The following MROH9 variants were observed in gnomAD, a reference collection of about 807,000 sequenced individuals.
The protein encoded by MROH9 is maestro heat-like repeat-containing protein family member 9.
In MROH9, 92 loss-of-function variants were observed where a neutral mutation model predicts 98.2. That is an observed-to-expected ratio of 0.94 (90% CI 0.79 to 1.11). The LOEUF is 1.11. Among genes scored for constraint, MROH9 ranks in the 50% most tolerant of loss-of-function variants. The probability of loss-of-function intolerance (pLI) is 0.00; values close to 1 mark genes in which losing one functional copy is unlikely to be tolerated. For synonymous variants in MROH9, 397 were observed against 368.9 expected, an observed-to-expected ratio of 1.08 and a Z score of -0.87; for missense variants, 1,057 against 1,014.8, an observed-to-expected ratio of 1.04 and a Z score of -0.57.
intron 20 of MROH9, among the ~76,000 whole-genome samples, chr1:171,056,326 G>A (rs78486409): frequency 1.3e-5 from 2 of 152,162 alleles, no homozygotes; most frequent in Non-Finnish European, 2.9e-5. Flanking sequence ...TGGACACCTT[G>A]GTCCCAAAAG....
chr1:170,983,680 CATTT>C, intron 9 of MROH9, 146 bp downstream of exon 9: 1 of 579,404 alleles, frequency 1.7e-6, no homozygotes, highest in Non-Finnish European at 3.1e-6. Context: ...GATTATAGAC[CATTT>C]AGTTTTCTGA....
rs768045523 is a variant in MROH9, at chr1:170,947,587, T to C, written c.72+14T>C. ...TGGCACCACATGGTAAGTGATATTC[T>C]ATAAGGATATCAACGTAACTGAATT... On this transcript the variant is annotated intron_variant, in intron 3 of 21. Transcript: ENST00000367759. 2 of 1,599,812 alleles carry C rather than the reference T, an allele frequency of 1.3e-6. No homozygotes were observed. The highest frequency in any genetic ancestry group is 1.7e-6 in the Non-Finnish European group (2 of 1,169,156).
In MROH9 at chr1:170,989,966, A is replaced by G; in HGVS notation, c.991A>G (p.Ile331Val). 2 of 1,613,084 alleles carry G rather than the reference A, an allele frequency of 1.2e-6. No homozygotes were observed. Among genetic ancestry groups the G allele is most frequent in the Non-Finnish European group, 1.7e-6 (2 of 1,179,314 alleles). The change falls in exon 11 of 22, where the codon ATC (isoleucine) becomes GTC (valine). Residue 331 changes from isoleucine to valine, a missense_variant. Transcript: ENST00000367759. Reference protein sequence around the residue: ...LLTCTSPKKVIFQLMDYPVPA... With the variant: ...LLTCTSPKKVVFQLMDYPVPA... ...GACATGCACTTCACCCAAGAAGGTC[A>G]TCTTTCAACTTATGGACTACCCAGT...
At chr1:171,025,271 C>G (rs1243793872) in intron 19 of MROH9, 47 bp from the exon 20 acceptor site, 2 of 1,201,818 alleles carry the variant, frequency 1.7e-6, no homozygotes, top group Admixed American at 4.0e-5. Flanking sequence ...AGCAAATGTT[C>G]TATTTCAGCA....
chr1:171,029,660 G>A (rs779910854), intron 20 of MROH9, among the ~76,000 whole-genome samples: 4 of 152,014 alleles, frequency 2.6e-5, no homozygotes, highest in Non-Finnish European at 4.4e-5. Flanking sequence ...GATCGTGGTG[G>A]GTAAGTTTTT....
rs568236981 is a variant in MROH9, at chr1:171,028,568, T to C, written c.2281+3148T>C. ...GTTTTTCCTAATTCTGTGAAGAATG[T>C]CAATGGTAGTTTGATGGGAATAGTA... On this transcript the variant is annotated intron_variant, in intron 20 of 21. Transcript: ENST00000367759. 6.0e-4 allele frequency among the ~76,000 whole-genome samples: 92 copies of C among 152,338 alleles called. 1 individual carries two copies. Among genetic ancestry groups the C allele is most frequent in the African/African-American group, 2.1e-3 (87 of 41,570 alleles).
At position 170,944,576 on chromosome 1, in the gene MROH9, G is replaced by A. The variant is rs116564163; in HGVS notation, c.-37-944G>A. 6.8e-3 allele frequency among the ~76,000 whole-genome samples: 996 copies of A among 147,496 alleles called. 15 individuals carry two copies. The highest frequency in any genetic ancestry group is 0.023 in the African/African-American group (913 of 39,050). On this transcript the variant is annotated intron_variant, in intron 1 of 21. Transcript: ENST00000367759. ...TCAAAAAGGTTGCAAATAAAAAGAC[G>A]GAAAAAAGGAATACCAAAAAAGTGT...
chr1:171,014,282 G>A (rs1459716505), intron 16 of MROH9, 28 bp downstream of exon 16: 1 of 1,532,958 alleles, frequency 6.5e-7, no homozygotes, highest in Non-Finnish European at 8.8e-7. Context: ...GTGTCTGCAA[G>A]CATCATCTAA....
intron 12 of MROH9, among the ~76,000 whole-genome samples, chr1:170,993,779 A>T (rs1258632968): frequency 2.6e-5 from 4 of 152,226 alleles, no homozygotes; most frequent in African/African-American, 9.6e-5. Flanking sequence ...ATCAATGATC[A>T]TAAAAGTTGA....
chr1:170,947,570 C>T lies in MROH9; in HGVS notation c.69C>T (p.His23=), dbSNP rs1394075571. Reference sequence around the variant, plus strand: ...TGCAAGACAGTGTGAAATGGCACCACATGGTAAGTGATATTCTATAAGGAT... The same window carrying T: ...TGCAAGACAGTGTGAAATGGCACCATATGGTAAGTGATATTCTATAAGGAT... ...QILQDSVKWH[H]MAHKVNSLLD... The change falls in exon 3 of 22, where the codon CAC becomes CAT. Residue 23 remains histidine, a synonymous_variant. Coordinates refer to ENST00000367759, the MANE Select transcript of MROH9 (RefSeq NM_001163629.2). 1 of 1,609,502 alleles carries T rather than the reference C, an allele frequency of 6.2e-7. No individual in the cohort carries two copies. Among genetic ancestry groups the T allele is most frequent in the Non-Finnish European group, 8.5e-7 (1 of 1,176,596 alleles).
chr1:171,055,401 T>C (rs571607971), intron 20 of MROH9, among the ~76,000 whole-genome samples: 11 of 151,976 alleles, frequency 7.2e-5, no homozygotes, highest in Middle Eastern at 3.4e-3. Flanking sequence ...GGTGGGCAGA[T>C]CACAAGGTCA....
chr1:171,023,312 T>TATTTGGC (rs1652576849), intron 17 of MROH9, among the ~76,000 whole-genome samples: 1 of 152,224 alleles, frequency 6.6e-6, no homozygotes, highest in African/African-American at 2.4e-5. Context: ...ATTACCTTCC[T>TATTTGGC]ATTTGGCATA....
intron 15 of MROH9, among the ~76,000 whole-genome samples, chr1:171,009,177 A>G (rs1652063482): frequency 1.3e-5 from 2 of 152,022 alleles, no homozygotes; most frequent in Admixed American, 1.3e-4. Flanking sequence ...TGAGACTCTC[A>G]AAGTACCCCT....
At chr1:170,957,956 C>A (rs6675768) in intron 3 of MROH9, among the ~76,000 whole-genome samples, 1 of 151,454 alleles carries the variant, frequency 6.6e-6, no homozygotes, top group Non-Finnish European at 1.5e-5. Context: ...CTACAGGCGC[C>A]CGCTACCACG....
intron 15 of MROH9, chr1:170,998,907 C>A: frequency 4.0e-6 from 1 of 249,560 alleles, no homozygotes; most frequent in Non-Finnish European, 6.4e-6. Context: ...ATTTCAAACA[C>A]CATAGGAAAA....
At chr1:171,059,340 T>C (rs2901481) in intron 20 of MROH9, among the ~76,000 whole-genome samples, 10,258 of 152,172 alleles carry the variant, frequency 0.067, 1,162 homozygotes, top group African/African-American at 0.23. Context: ...CACAATGAGA[T>C]ACCATCTCAC....
chr1:170,959,563 TGG>T lies in MROH9; in HGVS notation c.257_258del (p.Gly86GlufsTer4). ...CCAAGTCTTGACAAAGTAAAAGAAATGGGGAGCAGTTATGAGTACATTGAGGA... is the reference window on the plus strand; with the variant it reads ...CCAAGTCTTGACAAAGTAAAAGAAATGGAGCAGTTATGAGTACATTGAGGA... On this transcript the variant is annotated frameshift_variant, in exon 5 of 22. Coordinates refer to ENST00000367759, the MANE Select transcript of MROH9 (RefSeq NM_001163629.2). LOFTEE classifies it high-confidence loss of function. 1.9e-6 allele frequency: 3 copies of T among 1,613,664 alleles called. No homozygotes were observed. Among genetic ancestry groups the T allele is most frequent in the Non-Finnish European group, 2.5e-6 (3 of 1,179,834 alleles).
chr1:170,996,373 TC>T, intron 13 of MROH9, 133 bp from the exon 14 acceptor site: 1 of 917,570 alleles, frequency 1.1e-6, no homozygotes, highest in Non-Finnish European at 1.6e-6. Context: ...CATTTAGCAA[TC>T]TTTTTCCATT....
At chr1:171,059,011 C>T (rs1653935849) in intron 20 of MROH9, among the ~76,000 whole-genome samples, 1 of 152,128 alleles carries the variant, frequency 6.6e-6, no homozygotes, top group Non-Finnish European at 1.5e-5. Flanking sequence ...AATTAAAGAG[C>T]TTCTGCACAG....
Sources: allele counts gnomAD v4.1 joint callset (sites outside exome capture counted in the v4.1 genomes callset), GRCh38; gene constraint gnomAD v4.1.1; transcripts MANE v1.5; gene names NCBI Gene and HGNC (gene_info 2026-07-23, HGNC 2026-07-21).